The following INPP5B variants were observed in gnomAD, a reference collection of about 807,000 sequenced individuals.
INPP5B encodes inositol polyphosphate-5-phosphatase B.
In INPP5B, 90 loss-of-function variants were observed where a neutral mutation model predicts 118.5. The observed-to-expected ratio is 0.76, with a 90% CI of 0.64 to 0.90. INPP5B has a LOEUF of 0.90. Among genes scored for constraint, INPP5B ranks in the 40% least tolerant of loss-of-function variants. INPP5B has a pLI of 0.00. For missense variants in INPP5B, 984 were observed against 1,125.6 expected, an observed-to-expected ratio of 0.87 and a Z score of 1.80; for synonymous variants, 385 against 418.9, an observed-to-expected ratio of 0.92 and a Z score of 0.99.
intron 7 of INPP5B, among the ~76,000 whole-genome samples, chr1:37,902,796 G>A (rs1045188747): frequency 6.3e-4 from 96 of 152,100 alleles, no homozygotes; most frequent in African/African-American, 2.1e-3. Flanking sequence ...GACCTCAGGC[G>A]ATCGACCCAC....
chr1:37,944,881 AGT>A (rs1191877878), intron 3 of INPP5B, among the ~76,000 whole-genome samples: 2 of 152,108 alleles, frequency 1.3e-5, no homozygotes, highest in Admixed American at 6.5e-5. Flanking sequence ...AGCCTCCCAA[AGT>A]GTTGGAATTA....
intron 11 of INPP5B, 126 bp from the exon 12 acceptor site, chr1:37,887,130 ATCATCTGT>A: frequency 1.2e-6 from 1 of 811,274 alleles, no homozygotes; most frequent in African/African-American, 1.7e-5. Flanking sequence ...AACACAGGTA[ATCATCTGT>A]TCAATTCACC....
intron 7 of INPP5B, chr1:37,931,682 T>C: frequency 2.0e-6 from 3 of 1,525,878 alleles, no homozygotes; most frequent in Non-Finnish European, 2.6e-6. Context: ...CCTGCAGTGT[T>C]GCGCTCCCGA....
At chr1:37,917,176 C>T (rs895815145) in intron 7 of INPP5B, among the ~76,000 whole-genome samples, 3 of 148,766 alleles carry the variant, frequency 2.0e-5, no homozygotes, top group African/African-American at 7.4e-5. Context: ...ATAATCCCAG[C>T]TACTCGGGAG....
Position 37,886,994 on chromosome 1 carries a change from A to G in INPP5B, c.1025T>C (p.Ile342Thr), listed in dbSNP as rs769653418. Residue 342 changes from isoleucine to threonine, a missense_variant, in exon 12 of 24, where the codon ATC (isoleucine) becomes ACC (threonine). Ile to Thr is a moderately conservative substitution (Grantham distance 89). Around this residue, in one of 2 missense-constraint regions of INPP5B, gnomAD observed 634 missense variants for 791.0 expected, o/e 0.80. Transcript: ENST00000373024. ...CAGCAGCATAATCCCAACCAGTCGG[A>G]TAAGCTTCACCTGGAAAAGAGAGAC... ...PDAKYAKVKL[I>T]RLVGIMLLLY... 1.7e-5 allele frequency: 27 copies of G among 1,613,854 alleles called. No homozygotes were observed. The African/African-American group carries it at 2.3e-4, about 14-fold the overall frequency.
intron 5 of INPP5B, among the ~76,000 whole-genome samples, chr1:37,942,944 G>C (rs1013378757): frequency 2.0e-5 from 3 of 151,708 alleles, no homozygotes; most frequent in Admixed American, 1.3e-4. Flanking sequence ...AGGGAGGGAG[G>C]GAGGGACAGA....
At chr1:37,877,996 T>C (rs1489702639) in intron 16 of INPP5B, among the ~76,000 whole-genome samples, 192 bp downstream of exon 16, 1 of 152,136 alleles carries the variant, frequency 6.6e-6, no homozygotes, top group East Asian at 1.9e-4. Context: ...GGAACTTCCA[T>C]GTATGAGGAA....
chr1:37,873,485 C>A, intron 18 of INPP5B: 1 of 370,152 alleles, frequency 2.7e-6, no homozygotes, highest in South Asian at 2.7e-5. Flanking sequence ...TTCCCTGAGC[C>A]AGGTAAGATG....
intron 5 of INPP5B, among the ~76,000 whole-genome samples, chr1:37,943,336 A>G (rs1646003607): frequency 6.6e-6 from 1 of 152,088 alleles, no homozygotes; most frequent in African/African-American, 2.4e-5. Flanking sequence ...GAAATGCATG[A>G]ATGGAAGCCC....
rs540153895 is a variant in INPP5B at position 37,893,695 on chromosome 1, G to A, written c.533-2241C>T. ...TCACATCACTTTAAATCTTTTAAAG[G>A]CTTCATACTGGATAAACCCAAATCC... On this transcript the variant is annotated intron_variant, in intron 7 of 23. Coordinates refer to ENST00000373024, the MANE Select transcript of INPP5B (RefSeq NM_005540.3). Among the ~76,000 whole-genome samples the A allele has an allele frequency of 1.1e-4, 16 of 152,136 alleles. No individual in the cohort carries two copies. In the South Asian group the frequency reaches 2.9e-3, roughly 28 times the overall value.
rs1456948550 is a variant in INPP5B at position 37,887,006 on chromosome 1, TG to T, written c.1015-3del. 1 of 1,611,508 alleles carries T rather than the reference TG, an allele frequency of 6.2e-7. No homozygotes were observed. The highest frequency in any genetic ancestry group is 8.5e-7 in the Non-Finnish European group (1 of 1,177,972). On this transcript the variant is annotated splice_polypyrimidine_tract_variant and splice_region_variant and intron_variant, in intron 11 of 23. Coordinates refer to ENST00000373024, the MANE Select transcript of INPP5B (RefSeq NM_005540.3). ...CCCAACCAGTCGGATAAGCTTCACC[TG>T]GAAAAGAGAGACATGGCATTAAATA...
intron 7 of INPP5B, among the ~76,000 whole-genome samples, chr1:37,914,971 C>G (rs1036294730): frequency 6.6e-6 from 1 of 152,040 alleles, no homozygotes; most frequent in Non-Finnish European, 1.5e-5. Flanking sequence ...CCTTTCATGC[C>G]GACAATTGAA....
intron 7 of INPP5B, chr1:37,931,648 C>T (rs954785062): frequency 1.1e-5 from 17 of 1,534,206 alleles, no homozygotes; most frequent in Middle Eastern, 1.7e-4. Context: ...AGCTCCCCAG[C>T]CCAGCTTCCC....
chr1:37,887,232 G>A, intron 11 of INPP5B, 119 bp downstream of exon 11: 1 of 790,108 alleles, frequency 1.3e-6, no homozygotes, highest in Admixed American at 2.4e-5. Flanking sequence ...ATCTGGAAAT[G>A]AAAATTGCGG....
rs1643490008 is a variant in INPP5B at position 37,885,724 on chromosome 1, C to T, written c.1233G>A (p.Arg411=). The change falls in exon 13 of 24, where the codon AGG becomes AGA. Residue 411 remains arginine, a synonymous_variant. Transcript: ENST00000373024. ...LAAHIEEYER[R]NQDYKDICSR... ...AACAAATGTCCTTATAGTCCTGGTTCCTCCTCTCATACTCTTCAATGTGGG... is the reference window on the plus strand; with the variant it reads ...AACAAATGTCCTTATAGTCCTGGTTTCTCCTCTCATACTCTTCAATGTGGG... The T allele has an allele frequency of 1.9e-6, 3 of 1,614,140 alleles. No individual in the cohort carries two copies. Among genetic ancestry groups the T allele is most frequent in the Non-Finnish European group, 2.5e-6 (3 of 1,180,000 alleles).
intron 6 of INPP5B, among the ~76,000 whole-genome samples, chr1:37,935,581 T>TC (rs966703856): frequency 2.6e-5 from 4 of 152,040 alleles, no homozygotes; most frequent in Admixed American, 6.6e-5. Flanking sequence ...GTTTGACCTC[T>TC]CTATTTTTCA....
intron 8 of INPP5B, 47 bp downstream of exon 8, chr1:37,891,311 G>A: frequency 7.2e-7 from 1 of 1,388,260 alleles, no homozygotes; most frequent in African/African-American, 1.4e-5. Flanking sequence ...GTACTGTGAG[G>A]AGAACCTCAG....
intron 9 of INPP5B, 117 bp downstream of exon 9, chr1:37,889,440 G>T: frequency 1.4e-6 from 1 of 735,632 alleles, no homozygotes; most frequent in Non-Finnish European, 2.2e-6. Context: ...TGAAAATGAG[G>T]GGAGAGATTC....
intron 19 of INPP5B, 77 bp downstream of exon 19, chr1:37,872,853 G>A (rs942066861): frequency 6.6e-6 from 7 of 1,063,734 alleles, no homozygotes; most frequent in East Asian, 2.5e-5. Context: ...CCCTAGGAAG[G>A]TAGGCATAGG....
Sources: gnomAD v4.1 joint callset for allele counts (sites outside exome capture counted in the v4.1 genomes callset) on GRCh38, gnomAD v4.1.1 for gene constraint, gnomAD v4.1.1 regional missense constraint, MANE v1.5 for transcripts, NCBI Gene and HGNC (gene_info 2026-07-23, HGNC 2026-07-21) for gene names.